The following IMMP2L variants were observed in gnomAD, a reference collection of about 807,000 sequenced individuals.
IMMP2L encodes the protein inner mitochondrial membrane peptidase subunit 2.
IMMP2L carries 18 observed loss-of-function variants against 19.3 expected under a neutral mutation model. The ratio of observed to expected loss-of-function variants is 0.93; its 90% CI spans 0.64 to 1.38. IMMP2L has a LOEUF of 1.38. IMMP2L is among the 40% of genes most tolerant of loss of function. The pLI, the probability that IMMP2L is intolerant of heterozygous loss-of-function variation, is 0.00. For missense variants in IMMP2L, 233 were observed against 218.2 expected (o/e 1.07, Z -0.43); for synonymous variants, 76 against 73.0 (o/e 1.04, Z -0.21).
chr7:111,260,065 T>G (rs1817153674), intron 3 of IMMP2L, among the ~76,000 whole-genome samples: 1 of 152,182 alleles, frequency 6.6e-6, no homozygotes, highest in Non-Finnish European at 1.5e-5. Flanking sequence ...GTTTTACTAT[T>G]AACTTTTGTT....
Position 110,993,533 on chromosome 7 carries a change from C to G in IMMP2L, c.240-29968G>C, listed in dbSNP as rs560375358. 3.3e-5 allele frequency among the ~76,000 whole-genome samples: 5 copies of G among 151,930 alleles called. No individual in the cohort carries two copies. In the South Asian group the frequency reaches 1.0e-3, roughly 32 times the overall value. On this transcript the variant is annotated intron_variant, in intron 3 of 5. Transcript: ENST00000405709. ...TCCCTCAATAAACAGAAGTCCTCCC[C>G]AAAGCCAATCCTTCTCTCTCTTTGC... is the stretch of plus-strand genomic sequence containing the variant.
In IMMP2L at chr7:111,118,558, C is replaced by T. The variant is rs1020629817; in HGVS notation, c.240-154993G>A. Among the ~76,000 whole-genome samples, 3 of 152,100 alleles carry T rather than the reference C, an allele frequency of 2.0e-5. No homozygotes were observed. In the South Asian group the frequency reaches 6.2e-4, roughly 32 times the overall value. ...AGGCAGATGGGTCTCAATAACCTTACATTAAAAAGTGGAGATTAATGTACC... is the reference window on the plus strand; with the variant it reads ...AGGCAGATGGGTCTCAATAACCTTATATTAAAAAGTGGAGATTAATGTACC... On this transcript the variant is annotated intron_variant, in intron 3 of 5. Transcript: ENST00000405709.
intron 3 of IMMP2L, among the ~76,000 whole-genome samples, chr7:111,451,049 G>A (rs1839105885): frequency 6.8e-6 from 1 of 147,422 alleles, no homozygotes; most frequent in East Asian, 1.9e-4. Context: ...TCATTAAAAA[G>A]TCAGGAAACA....
At chr7:110,949,217 T>C (rs974689437) in intron 4 of IMMP2L, among the ~76,000 whole-genome samples, 3 of 152,182 alleles carry the variant, frequency 2.0e-5, no homozygotes, top group African/African-American at 7.2e-5. Context: ...ATCATATATA[T>C]GTATTGGTTT....
chr7:111,443,055 G>C (rs2131810350), intron 3 of IMMP2L, among the ~76,000 whole-genome samples: 1 of 151,936 alleles, frequency 6.6e-6, no homozygotes, highest in South Asian at 2.1e-4. Flanking sequence ...TTTCTTTCCA[G>C]AGCATGTATC....
intron 5 of IMMP2L, among the ~76,000 whole-genome samples, chr7:110,824,982 T>G (rs1803341813): frequency 6.6e-6 from 1 of 152,114 alleles, no homozygotes; most frequent in Non-Finnish European, 1.5e-5. Flanking sequence ...GATAAGCAAC[T>G]TCAGCAAAGT....
chr7:111,493,549 A>C (rs1465122574), intron 2 of IMMP2L, among the ~76,000 whole-genome samples: 1 of 149,756 alleles, frequency 6.7e-6, no homozygotes, highest in Non-Finnish European at 1.5e-5. Flanking sequence ...AAAAATGCAA[A>C]AAAAAATTAG....
intron 5 of IMMP2L, among the ~76,000 whole-genome samples, chr7:110,821,871 C>A (rs1803064221): frequency 6.6e-6 from 1 of 152,000 alleles, no homozygotes; most frequent in Non-Finnish European, 1.5e-5. Context: ...TGCAGTGAAC[C>A]AAGATCACGT....
chr7:111,103,082 C>T (rs1563244966), intron 3 of IMMP2L, among the ~76,000 whole-genome samples: 3 of 151,454 alleles, frequency 2.0e-5, no homozygotes, highest in African/African-American at 7.3e-5. Context: ...TATTTGTACT[C>T]TAATTAGCAT....
chr7:111,548,310 A>G (rs1456337224), intron 1 of IMMP2L, among the ~76,000 whole-genome samples: 1 of 152,092 alleles, frequency 6.6e-6, no homozygotes, highest in Non-Finnish European at 1.5e-5. Flanking sequence ...TCTTCTCCCC[A>G]TTCTCAATAT....
At chr7:111,046,058 T>G (rs2129571825) in intron 3 of IMMP2L, among the ~76,000 whole-genome samples, 1 of 151,974 alleles carries the variant, frequency 6.6e-6, no homozygotes, top group East Asian at 1.9e-4. Flanking sequence ...ATCTAAAGAA[T>G]TTGAAAAAAG....
chr7:110,837,576 C>T (rs747108120), intron 5 of IMMP2L, among the ~76,000 whole-genome samples: 38 of 152,010 alleles, frequency 2.5e-4, no homozygotes, highest in Non-Finnish European at 4.0e-4. Context: ...TATTTACTTC[C>T]GTAGGGTTCT....
intron 5 of IMMP2L, among the ~76,000 whole-genome samples, chr7:110,720,080 T>C (rs568512424): frequency 2.6e-5 from 4 of 152,310 alleles, no homozygotes; most frequent in Non-Finnish European, 4.4e-5. Flanking sequence ...AATCTCATAA[T>C]GTCGGGAAAT....
intron 5 of IMMP2L, among the ~76,000 whole-genome samples, chr7:110,815,158 G>T (rs148618821): frequency 1.3e-3 from 193 of 152,200 alleles, no homozygotes; most frequent in African/African-American, 4.3e-3. Context: ...CTAATTTATT[G>T]AGAGTTTTTA....
intron 4 of IMMP2L, among the ~76,000 whole-genome samples, chr7:110,915,953 G>T (rs1488944446): frequency 6.6e-6 from 1 of 151,946 alleles, no homozygotes; most frequent in Non-Finnish European, 1.5e-5. Flanking sequence ...GACTAATAAG[G>T]CATTTCTTAG....
chr7:111,200,071 G>A (rs1809938048), intron 3 of IMMP2L, among the ~76,000 whole-genome samples: 1 of 152,030 alleles, frequency 6.6e-6, no homozygotes. Flanking sequence ...AGATATTGAA[G>A]TTTTAATAAA....
At chr7:110,831,765 T>A (rs1277325161) in intron 5 of IMMP2L, among the ~76,000 whole-genome samples, 3 of 152,164 alleles carry the variant, frequency 2.0e-5, no homozygotes, top group Non-Finnish European at 4.4e-5. Flanking sequence ...CTGCAGAATC[T>A]TCATTTGTTC....
intron 5 of IMMP2L, among the ~76,000 whole-genome samples, chr7:110,675,516 A>T (rs1792237261): frequency 6.6e-6 from 1 of 152,184 alleles, no homozygotes. Context: ...AGTTATTTCT[A>T]AGTCTCCGTA....
chr7:111,232,072 AC>A (rs1813775153), intron 3 of IMMP2L, among the ~76,000 whole-genome samples: 1 of 152,064 alleles, frequency 6.6e-6, no homozygotes, highest in Admixed American at 6.6e-5. Context: ...ATAAATGTGT[AC>A]TAGATTAATA....
Sources: gnomAD v4.1 joint callset for allele counts (sites outside exome capture counted in the v4.1 genomes callset) on GRCh38, gnomAD v4.1.1 for gene constraint, MANE v1.5 for transcripts, NCBI Gene and HGNC (gene_info 2026-07-23, HGNC 2026-07-21) for gene names.